Variants in ALK observed in about 807,000 individuals in gnomAD.
The protein encoded by ALK is ALK tyrosine kinase receptor.
A neutral mutation model predicts 163.1 loss-of-function variants in ALK; 74 were observed. The ratio of observed to expected loss-of-function variants is 0.45; its 90% CI spans 0.38 to 0.55. ALK has a LOEUF of 0.55. ALK is among the 20% of genes least tolerant of loss of function. The pLI is 0.00. For missense variants in ALK, 2,063 were observed against 2,105.3 expected (o/e 0.98, Z 0.39); for synonymous variants, 960 against 843.2 (o/e 1.14, Z -2.40).
intron 4 of ALK, among the ~76,000 whole-genome samples, chr2:29,500,786 T>C (rs2148131887): frequency 6.6e-6 from 1 of 152,320 alleles, no homozygotes; most frequent in Middle Eastern, 3.4e-3. Context: ...TCCTTCAGGC[T>C]ACCAGGAGCC....
intron 1 of ALK, among the ~76,000 whole-genome samples, chr2:29,842,172 T>G (rs1209115603): frequency 6.6e-6 from 1 of 152,070 alleles, no homozygotes; most frequent in Non-Finnish European, 1.5e-5. Context: ...TGTAGTGTGA[T>G]AGGTTAAATA....
At position 29,710,804 on chromosome 2, in the gene ALK, C is replaced by A. The variant is rs116618476; in HGVS notation, c.787+6774G>T. Among the ~76,000 whole-genome samples the A allele has an allele frequency of 3.6e-3, 545 of 152,266 alleles. 2 individuals carry two copies. Among genetic ancestry groups the A allele is most frequent in the African/African-American group, 0.013 (522 of 41,556 alleles). On this transcript the variant is annotated intron_variant, in intron 2 of 28. Transcript: ENST00000389048. Reference sequence around the variant, plus strand: ...GGGATTACAGGCGTGAGCAACTGTGCCTGGCCTCAACCTCAGTCTTGCTGC... The same window carrying A: ...GGGATTACAGGCGTGAGCAACTGTGACTGGCCTCAACCTCAGTCTTGCTGC...
At chr2:29,397,982 T>C (rs1669351476) in intron 4 of ALK, among the ~76,000 whole-genome samples, 1 of 152,236 alleles carries the variant, frequency 6.6e-6, no homozygotes, top group African/African-American at 2.4e-5. Context: ...CCTGAGATTG[T>C]GCCAACGATA....
At chr2:29,520,666 G>A (rs1672785855) in intron 4 of ALK, among the ~76,000 whole-genome samples, 1 of 152,164 alleles carries the variant, frequency 6.6e-6, no homozygotes, top group African/African-American at 2.4e-5. Context: ...GTTCTTGATG[G>A]TCGGGAAGGT....
intron 4 of ALK, among the ~76,000 whole-genome samples, chr2:29,470,029 T>C (rs556472567): frequency 6.6e-6 from 1 of 152,214 alleles, no homozygotes; most frequent in South Asian, 2.1e-4. Flanking sequence ...AAGAATTTCA[T>C]TAGAAAACGG....
chr2:29,753,785 A>G (rs1247797121), intron 1 of ALK, among the ~76,000 whole-genome samples: 1 of 152,208 alleles, frequency 6.6e-6, no homozygotes, highest in East Asian at 1.9e-4. Context: ...AGACTCCAAG[A>G]AACTTTTTCT....
chr2:29,302,338 T>C (rs1666395393), intron 8 of ALK, among the ~76,000 whole-genome samples: 1 of 152,016 alleles, frequency 6.6e-6, no homozygotes, highest in African/African-American at 2.4e-5. Flanking sequence ...GCCAATATGG[T>C]GAAACCCTGC....
At chr2:29,903,763 G>C (rs763173087) in intron 1 of ALK, among the ~76,000 whole-genome samples, 1 of 152,116 alleles carries the variant, frequency 6.6e-6, no homozygotes, top group Non-Finnish European at 1.5e-5. Context: ...TTAGAGGTAA[G>C]CAGCTCTTAT....
At chr2:29,232,233 T>A in intron 15 of ALK, 71 bp downstream of exon 15, 1 of 1,586,848 alleles carries the variant, frequency 6.3e-7, no homozygotes, top group Non-Finnish European at 8.6e-7. Flanking sequence ...CCCTCAGGCA[T>A]GCGATGGCAT....
intron 14 of ALK, 71 bp from the exon 15 acceptor site, chr2:29,232,519 A>G: frequency 1.2e-6 from 2 of 1,600,838 alleles, no homozygotes; most frequent in Non-Finnish European, 8.5e-7. Flanking sequence ...AAGCTCTGGT[A>G]AATTCAACCT....
At chr2:29,825,160 G>A (rs1170290972) in intron 1 of ALK, among the ~76,000 whole-genome samples, 1 of 152,112 alleles carries the variant, frequency 6.6e-6, no homozygotes, top group African/African-American at 2.4e-5. Context: ...TGATTGTGAG[G>A]TCTCCCCAGC....
chr2:29,908,800 G>A (rs1572491400), intron 1 of ALK, among the ~76,000 whole-genome samples: 1 of 152,266 alleles, frequency 6.6e-6, no homozygotes, highest in East Asian at 1.9e-4. Context: ...ACTATAACCA[G>A]CTGCACCATT....
intron 1 of ALK, among the ~76,000 whole-genome samples, chr2:29,879,843 C>G (rs1666811280): frequency 6.6e-6 from 1 of 152,200 alleles, no homozygotes; most frequent in South Asian, 2.1e-4. Flanking sequence ...TCCTGTAAAT[C>G]TGATAACTAA....
At position 29,805,540 on chromosome 2, in the gene ALK, G is replaced by A. The variant is rs529411292; in HGVS notation, c.668-87843C>T. On this transcript the variant is annotated intron_variant, in intron 1 of 28. Coordinates refer to ENST00000389048, the MANE Select transcript of ALK (RefSeq NM_004304.5). Reference sequence around the variant, plus strand: ...CCCAGTGTGTGTGGTTCCCCTCCCCGTGTCTACGTATTCTCATTATTCAGC... The same window carrying A: ...CCCAGTGTGTGTGGTTCCCCTCCCCATGTCTACGTATTCTCATTATTCAGC... 1.1e-3 allele frequency among the ~76,000 whole-genome samples: 175 copies of A among 152,176 alleles called. 1 individual carries two copies. Among genetic ancestry groups the A allele is most frequent in the African/African-American group, 4.0e-3 (168 of 41,532 alleles).
At chr2:29,392,075 T>G (rs1283398126) in intron 4 of ALK, among the ~76,000 whole-genome samples, 1 of 152,234 alleles carries the variant, frequency 6.6e-6, no homozygotes, top group Non-Finnish European at 1.5e-5. Flanking sequence ...CCAGTGTGGC[T>G]GATGATCTTA....
chr2:29,851,550 G>C (rs1558518355), intron 1 of ALK, among the ~76,000 whole-genome samples: 1 of 152,158 alleles, frequency 6.6e-6, no homozygotes, highest in Non-Finnish European at 1.5e-5. Flanking sequence ...TTGTTCTCAA[G>C]CTTAGGTAGG....
chr2:29,517,781 T>C (rs964995030), intron 4 of ALK, among the ~76,000 whole-genome samples: 1 of 152,166 alleles, frequency 6.6e-6, no homozygotes, highest in Non-Finnish European at 1.5e-5. Context: ...CTGGTGTCCT[T>C]TGTGTTTTTG....
chr2:29,339,254 A>T (rs1667719052), intron 5 of ALK, among the ~76,000 whole-genome samples: 1 of 152,030 alleles, frequency 6.6e-6, no homozygotes, highest in Admixed American at 6.6e-5. Context: ...AAAAAAAAAA[A>T]AAGTGATGTG....
Position 29,223,396 on chromosome 2 carries a change from G to C in ALK, c.3305C>G (p.Thr1102Ser), listed in dbSNP as rs1295561133. The C allele has an allele frequency of 1.9e-6, 3 of 1,614,202 alleles. No individual in the cohort carries two copies. The East Asian group carries it at 6.7e-5, about 36-fold the overall frequency. Residue 1102 changes from threonine to serine, a missense_variant, in exon 20 of 29, where the codon ACC becomes AGC. This residue lies in a region of ALK where 575 missense variants were observed against 626.6 expected (regional missense o/e 0.92). Transcript: ENST00000389048. ...CTCCTTCAGGTCACTGATGGAGGAG[G>C]TCTTGCCAGCAAAGCAGTAGTTGGG... ...YNPNYCFAGK[T>S]SSISDLKEVP...
Sources: gnomAD v4.1 joint callset for allele counts (sites outside exome capture counted in the v4.1 genomes callset) on GRCh38, gnomAD v4.1.1 for gene constraint, gnomAD v4.1.1 regional missense constraint, MANE v1.5 for transcripts, NCBI Gene and HGNC (gene_info 2026-07-23, HGNC 2026-07-21) for gene names.